The following PTPRG variants were observed in gnomAD, a reference collection of about 807,000 sequenced individuals.
PTPRG encodes the protein receptor-type tyrosine-protein phosphatase gamma.
PTPRG carries 102 observed loss-of-function variants against 165.3 expected under a neutral mutation model. That is an observed-to-expected ratio of 0.62 (90% CI 0.53 to 0.73). The LOEUF (loss-of-function observed/expected upper bound fraction) is 0.73, where lower values mean the gene tolerates loss of function less well. Ranked by LOEUF, PTPRG falls within the 30% of genes least tolerant of loss-of-function variation. The pLI is 0.00. For synonymous variants in PTPRG, 675 were observed against 669.5 expected, an observed-to-expected ratio of 1.01 and a Z score of -0.13; for missense variants, 1,866 against 1,861.4, an observed-to-expected ratio of 1.00 and a Z score of -0.05.
chr3:62,231,022 T>C (rs1466466484), intron 13 of PTPRG, among the ~76,000 whole-genome samples: 1 of 152,202 alleles, frequency 6.6e-6, no homozygotes, highest in Non-Finnish European at 1.5e-5. Flanking sequence ...AAGTTCCCAC[T>C]GGGTATTTCT....
intron 2 of PTPRG, among the ~76,000 whole-genome samples, chr3:61,783,066 A>G (rs2034591808): frequency 6.6e-6 from 1 of 152,212 alleles, no homozygotes; most frequent in South Asian, 2.1e-4. Flanking sequence ...TCAGCCTCCT[A>G]AAATACTGGG....
At chr3:62,109,885 C>T (rs559409510) in intron 5 of PTPRG, among the ~76,000 whole-genome samples, 8 of 152,266 alleles carry the variant, frequency 5.3e-5, no homozygotes, top group African/African-American at 1.9e-4. Flanking sequence ...TCTCACTCCA[C>T]AGAGTTTCTT....
At chr3:62,069,617 AAG>A (rs111801525) in intron 4 of PTPRG, among the ~76,000 whole-genome samples, 24,939 of 146,516 alleles carry the variant, frequency 0.17, 2,951 homozygotes, top group African/African-American at 0.33. Context: ...TCTCCAGAGA[AAG>A]AGAGCCATAG....
At chr3:61,834,312 T>C (rs1364617386) in intron 2 of PTPRG, among the ~76,000 whole-genome samples, 1 of 152,196 alleles carries the variant, frequency 6.6e-6, no homozygotes, top group African/African-American at 2.4e-5. Flanking sequence ...TTTATGGCCT[T>C]AAGAGTGTTT....
At chr3:61,783,262 C>G (rs2034597118) in intron 2 of PTPRG, among the ~76,000 whole-genome samples, 1 of 152,106 alleles carries the variant, frequency 6.6e-6, no homozygotes, top group African/African-American at 2.4e-5. Flanking sequence ...ATTGCTTGAG[C>G]CCAGGAGGTT....
At chr3:61,713,082 G>A (rs1366778644) in intron 1 of PTPRG, among the ~76,000 whole-genome samples, 1 of 151,406 alleles carries the variant, frequency 6.6e-6, no homozygotes, top group Non-Finnish European at 1.5e-5. Flanking sequence ...TTTTTTCCTA[G>A]TTTCTCCTAA....
rs565059559 is a variant in PTPRG, at chr3:61,779,637, C to T, written c.190+30655C>T. ...GTAGATATCCTACCAAACCTTTCAG[C>T]TTTAGGAAGATTAGCTTCTTAAATT... is the stretch of plus-strand genomic sequence containing the variant. On this transcript the variant is annotated intron_variant, in intron 2 of 29. Coordinates refer to ENST00000474889, the MANE Select transcript of PTPRG (RefSeq NM_002841.4). Among the ~76,000 whole-genome samples, 85 of 152,312 alleles carry T rather than the reference C, an allele frequency of 5.6e-4. 2 individuals are homozygous for T. The South Asian group carries it at 8.1e-3, about 14-fold the overall frequency.
intron 2 of PTPRG, among the ~76,000 whole-genome samples, chr3:61,857,998 C>T (rs908393959): frequency 6.6e-6 from 1 of 152,172 alleles, no homozygotes; most frequent in Admixed American, 6.6e-5. Flanking sequence ...CAGGAAATTT[C>T]TCCCAGACAT....
chr3:61,901,884 C>A (rs2038507002), intron 2 of PTPRG, among the ~76,000 whole-genome samples: 1 of 152,188 alleles, frequency 6.6e-6, no homozygotes, highest in African/African-American at 2.4e-5. Flanking sequence ...GTAAAAGAAA[C>A]CTCTTTAATA....
chr3:61,764,096 T>C (rs1164057951), intron 2 of PTPRG, among the ~76,000 whole-genome samples: 1 of 152,128 alleles, frequency 6.6e-6, no homozygotes, highest in Admixed American at 6.5e-5. Context: ...AACATATTAT[T>C]GAGTACTGAA....
At chr3:61,623,980 C>T (rs1435601183) in intron 1 of PTPRG, among the ~76,000 whole-genome samples, 1 of 152,232 alleles carries the variant, frequency 6.6e-6, no homozygotes, top group Admixed American at 6.5e-5. Flanking sequence ...GTTAGCCTCA[C>T]TGCCTCCTTG....
chr3:62,172,832 A>T (rs1245392893), intron 8 of PTPRG, among the ~76,000 whole-genome samples: 1 of 152,250 alleles, frequency 6.6e-6, no homozygotes, highest in African/African-American at 2.4e-5. Flanking sequence ...TCTGATAATT[A>T]TTGGAAGCTT....
chr3:62,050,984 G>A (rs1305679950), intron 4 of PTPRG, among the ~76,000 whole-genome samples: 2 of 152,188 alleles, frequency 1.3e-5, no homozygotes, highest in Non-Finnish European at 2.9e-5. Flanking sequence ...TCTATAGGAA[G>A]CTTTTCTTCT....
chr3:61,661,574 C>CA (rs1280042427), intron 1 of PTPRG, among the ~76,000 whole-genome samples: 2 of 151,898 alleles, frequency 1.3e-5, no homozygotes. Flanking sequence ...CTATAAATAC[C>CA]AAAAAACACT....
intron 1 of PTPRG, among the ~76,000 whole-genome samples, chr3:61,596,350 T>C (rs1323827372): frequency 2.0e-5 from 3 of 152,224 alleles, no homozygotes; most frequent in Non-Finnish European, 2.9e-5. Context: ...AACATACATA[T>C]TCATTTATAA....
At chr3:62,120,956 T>A (rs1256643157) in intron 5 of PTPRG, among the ~76,000 whole-genome samples, 1 of 151,774 alleles carries the variant, frequency 6.6e-6, no homozygotes, top group African/African-American at 2.4e-5. Flanking sequence ...AGCTATAGGT[T>A]TTTTTTCACA....
intron 5 of PTPRG, among the ~76,000 whole-genome samples, chr3:62,104,359 A>C (rs1321819066): frequency 1.3e-5 from 2 of 152,168 alleles, no homozygotes; most frequent in African/African-American, 4.8e-5. Context: ...GCCAAATATG[A>C]GATTTGAGCA....
chr3:62,043,299 A>C (rs1350730788), intron 4 of PTPRG, among the ~76,000 whole-genome samples: 1 of 152,172 alleles, frequency 6.6e-6, no homozygotes. Context: ...GTTTATTTTC[A>C]TATCCTATTT....
At chr3:62,015,919 C>T (rs1045740216) in intron 4 of PTPRG, among the ~76,000 whole-genome samples, 1 of 152,168 alleles carries the variant, frequency 6.6e-6, no homozygotes, top group Non-Finnish European at 1.5e-5. Context: ...AAATCATGGA[C>T]AACTTACCAG....
Sources: gnomAD v4.1 joint callset for allele counts (sites outside exome capture counted in the v4.1 genomes callset) on GRCh38, gnomAD v4.1.1 for gene constraint, MANE v1.5 for transcripts, NCBI Gene and HGNC (gene_info 2026-07-23, HGNC 2026-07-21) for gene names.